The following SMARCAL1 variants were observed in gnomAD, a reference collection of about 807,000 sequenced individuals.
The protein encoded by SMARCAL1 is ATP-driven annealing helicase.
A neutral mutation model predicts 94.5 loss-of-function variants in SMARCAL1; 58 were observed. That is an observed-to-expected ratio of 0.61 (90% CI 0.50 to 0.76). The LOEUF (loss-of-function observed/expected upper bound fraction) is 0.76. SMARCAL1 is among the 30% of genes least tolerant of loss of function. SMARCAL1 has a pLI of 0.00. For missense variants in SMARCAL1, 1,051 were observed against 1,177.9 expected (o/e 0.89, Z 1.58); for synonymous variants, 422 against 455.1 (o/e 0.93, Z 0.93).
intron 6 of SMARCAL1, among the ~76,000 whole-genome samples, chr2:216,424,411 A>C (rs2106024611): frequency 6.6e-6 from 1 of 152,362 alleles, no homozygotes; most frequent in South Asian, 2.1e-4. Context: ...GTTTGCAGCT[A>C]GCATGGCTTA....
chr2:216,463,786 T>C (rs982194222), intron 12 of SMARCAL1, among the ~76,000 whole-genome samples: 2 of 152,224 alleles, frequency 1.3e-5, no homozygotes, highest in Non-Finnish European at 2.9e-5. Context: ...CTCATGCCTG[T>C]AATCCCAGCA....
chr2:216,460,510 G>A (rs1694671516), intron 12 of SMARCAL1, among the ~76,000 whole-genome samples: 1 of 152,058 alleles, frequency 6.6e-6, no homozygotes, highest in African/African-American at 2.4e-5. Context: ...GCAGCTATGA[G>A]AAATGATGAG....
At chr2:216,455,188 A>C (rs1303996367) in intron 12 of SMARCAL1, among the ~76,000 whole-genome samples, 9 of 152,180 alleles carry the variant, frequency 5.9e-5, no homozygotes. Context: ...TGAGTAGGTA[A>C]ACAAAGCAGC....
At chr2:216,461,461 A>T (rs1313239318) in intron 12 of SMARCAL1, among the ~76,000 whole-genome samples, 1 of 152,146 alleles carries the variant, frequency 6.6e-6, no homozygotes, top group African/African-American at 2.4e-5. Flanking sequence ...GGATCATACA[A>T]ACACGTCAAG....
chr2:216,468,077 A>T, intron 14 of SMARCAL1, 31 bp downstream of exon 14: 1 of 1,486,924 alleles, frequency 6.7e-7, no homozygotes, highest in Non-Finnish European at 9.4e-7. Flanking sequence ...ACCATGGGCT[A>T]CTTTTGCCAT....
chr2:216,420,375 C>A lies in SMARCAL1; in HGVS notation c.939C>A (p.Ser313=), dbSNP rs560174733. The change falls in exon 5 of 18, where the codon TCC becomes TCA. Residue 313 remains serine, a synonymous_variant. Transcript: ENST00000357276. ...EWAYGSSESP[S]TSSEGQAGLP... ...CCTATGGCAGCAGCGAGTCACCCTC[C>A]ACCAGCAGTGAGGGACAGGCCGGCC... The A allele has an allele frequency of 5.6e-6, 9 of 1,614,198 alleles. No homozygotes were observed. Among genetic ancestry groups the A allele is most frequent in the Middle Eastern group, 1.6e-4 (1 of 6,062 alleles).
At chr2:216,425,340 G>GTC (rs1693807965) in intron 6 of SMARCAL1, among the ~76,000 whole-genome samples, 1 of 152,244 alleles carries the variant, frequency 6.6e-6, no homozygotes, top group Non-Finnish European at 1.5e-5. Flanking sequence ...CATACCACAA[G>GTC]CAGCTTCTGC....
intron 5 of SMARCAL1, 142 bp from the exon 6 acceptor site, chr2:216,423,491 C>T (rs1693768039): frequency 1.4e-6 from 1 of 733,246 alleles, no homozygotes; most frequent in Non-Finnish European, 2.5e-6. Flanking sequence ...ATTTCTGTAT[C>T]CGCAGTGCTA....
At chr2:216,438,304 A>G (rs369226971) in intron 9 of SMARCAL1, 116 bp from the exon 10 acceptor site, 3 of 846,628 alleles carry the variant, frequency 3.5e-6, no homozygotes, top group Non-Finnish European at 5.9e-6. Context: ...TGAATGAGAA[A>G]GTGCTAAGGG....
At position 216,435,393 on chromosome 2, in the gene SMARCAL1, C is replaced by G; in HGVS notation, c.1541C>G (p.Thr514Ser). The G allele has an allele frequency of 6.2e-7, 1 of 1,614,188 alleles. No individual in the cohort carries two copies. The highest frequency in any genetic ancestry group is 1.1e-5 in the South Asian group (1 of 91,086). The change falls in exon 9 of 18, where the codon ACT becomes AGT. Residue 514 changes from threonine (T) to serine (S), a missense_variant. Thr to Ser is a moderately conservative substitution (Grantham distance 58). Around this residue, in one of 3 missense-constraint regions of SMARCAL1, gnomAD observed 642 missense variants for 754.7 expected, o/e 0.85. Coordinates refer to ENST00000357276, the MANE Select transcript of SMARCAL1 (RefSeq NM_014140.4). ...CCAGATTGCATCAACGTCGTGGTGA[C>G]TGGGAAGGACCGCCTGACAGCTGGC... is the stretch of plus-strand genomic sequence containing the variant. ...LSPDCINVVVTGKDRLTAGLI... is the reference protein window; with the variant it reads ...LSPDCINVVVSGKDRLTAGLI...
intron 14 of SMARCAL1, 77 bp downstream of exon 14, chr2:216,468,123 C>A: frequency 3.1e-6 from 3 of 976,940 alleles, no homozygotes; most frequent in South Asian, 1.3e-5. Context: ...AGGTCAGATC[C>A]AAGCAAAGTG....
intron 10 of SMARCAL1, among the ~76,000 whole-genome samples, 165 bp downstream of exon 10, chr2:216,438,650 G>A (rs1391319889): frequency 6.6e-6 from 1 of 152,126 alleles, no homozygotes; most frequent in East Asian, 1.9e-4. Context: ...TTAGGGCTGT[G>A]GTACCAATTT....
At position 216,428,595 on chromosome 2, in the gene SMARCAL1, G is replaced by C; in HGVS notation, c.1148-1G>C. ...TCATATGCTTCTGTTCTTCTTTTCA[G>C]TTGCAAAGGTGCGCTGCCTCCCACA... On this transcript the variant is annotated splice_acceptor_variant, in intron 6 of 17. Coordinates refer to ENST00000357276, the MANE Select transcript of SMARCAL1 (RefSeq NM_014140.4). LOFTEE classifies it high-confidence loss of function. 6.2e-7 allele frequency: 1 copy of C among 1,613,448 alleles called. No homozygotes were observed. Among genetic ancestry groups the C allele is most frequent in the Non-Finnish European group, 8.5e-7 (1 of 1,179,988 alleles).
chr2:216,455,011 G>A (rs561354326), intron 12 of SMARCAL1, among the ~76,000 whole-genome samples: 18 of 152,360 alleles, frequency 1.2e-4, no homozygotes, highest in African/African-American at 4.1e-4. Context: ...CTAATACTGC[G>A]CTTTTCCAAT....
intron 16 of SMARCAL1, 46 bp from the exon 17 acceptor site, chr2:216,478,157 G>T: frequency 6.9e-7 from 1 of 1,454,606 alleles, no homozygotes; most frequent in Non-Finnish European, 9.7e-7. Context: ...TTAGTCTGGT[G>T]GTTCTGTGCA....
At chr2:216,462,761 G>A (rs1177291711) in intron 12 of SMARCAL1, among the ~76,000 whole-genome samples, 1 of 151,840 alleles carries the variant, frequency 6.6e-6, no homozygotes, top group African/African-American at 2.4e-5. Context: ...CAAGATGGGA[G>A]GATTACTTGA....
rs1264577481 is a variant in SMARCAL1 at position 216,415,149 on chromosome 2, C to T, written c.445C>T (p.Gln149Ter). Residue 149 changes from glutamine (Q) to a stop codon, truncating the protein, a stop_gained, in exon 3 of 18, where the codon CAG becomes TAG. Transcript: ENST00000357276. LOFTEE classifies it high-confidence loss of function. ...TTATGAGTTAGGTCAAGGTCATGCT[C>T]AGGCTTCACCTGAGATCAGGTTCAC... ...LSYELGQGHA[Q>*]ASPEIRFTPF... The T allele has an allele frequency of 1.2e-6, 2 of 1,612,570 alleles. No individual in the cohort carries two copies. The highest frequency in any genetic ancestry group is 3.3e-5 in the Admixed American group (2 of 59,852).
intron 11 of SMARCAL1, among the ~76,000 whole-genome samples, chr2:216,448,740 G>A (rs1019159098): frequency 1.3e-5 from 2 of 151,944 alleles, no homozygotes; most frequent in African/African-American, 4.8e-5. Context: ...GCTGAGGCAC[G>A]AGAATCGCTT....
intron 10 of SMARCAL1, 133 bp downstream of exon 10, chr2:216,438,618 CT>C: frequency 1.3e-6 from 1 of 748,628 alleles, no homozygotes; most frequent in Non-Finnish European, 2.3e-6. Flanking sequence ...TTGGCATTGA[CT>C]TAGGGCATCT....
Sources: gnomAD v4.1 joint callset for allele counts (sites outside exome capture counted in the v4.1 genomes callset) on GRCh38, gnomAD v4.1.1 for gene constraint, gnomAD v4.1.1 regional missense constraint, MANE v1.5 for transcripts, NCBI Gene and HGNC (gene_info 2026-07-23, HGNC 2026-07-21) for gene names.